ANKS1A: variants seen among roughly 807,000 people sequenced by gnomAD.
ANKS1A encodes the protein ankyrin repeat and SAM domain-containing protein 1A.
Under a neutral mutation model 120.3 loss-of-function variants are expected in ANKS1A, and 55 were observed. The ratio of observed to expected loss-of-function variants is 0.46; its 90% CI spans 0.37 to 0.57. ANKS1A has a LOEUF of 0.57. ANKS1A is among the 20% of genes least tolerant of loss of function. The probability of loss-of-function intolerance (pLI) is 0.00; values close to 1 mark genes in which losing one functional copy is unlikely to be tolerated. For missense variants in ANKS1A, 1,123 were observed against 1,480.3 expected (o/e 0.76, Z 3.96); for synonymous variants, 590 against 604.7 (o/e 0.98, Z 0.36).
intron 3 of ANKS1A, 56 bp downstream of exon 3, chr6:34,970,222 C>T (rs1296201736): frequency 3.2e-6 from 5 of 1,540,344 alleles, no homozygotes; most frequent in Non-Finnish European, 4.4e-6. Context: ...GATGTGGCAA[C>T]CCCATCACCA....
chr6:35,079,737 C>T, intron 15 of ANKS1A, 69 bp downstream of exon 15: 2 of 1,612,106 alleles, frequency 1.2e-6, no homozygotes, highest in East Asian at 4.5e-5. Context: ...GGCAGCCTGG[C>T]CCAGCGGAAG....
chr6:35,068,038 C>T (rs1377623978), intron 13 of ANKS1A, among the ~76,000 whole-genome samples: 2 of 151,928 alleles, frequency 1.3e-5, no homozygotes, highest in African/African-American at 2.4e-5. Context: ...GAATTACTGG[C>T]GGGCACTACC....
intron 11 of ANKS1A, among the ~76,000 whole-genome samples, chr6:35,041,100 T>C (rs1775434175): frequency 1.3e-5 from 2 of 152,250 alleles, no homozygotes; most frequent in African/African-American, 4.8e-5. Context: ...TATAAAGTTA[T>C]GAGAAATACT....
rs185231911 is a variant in ANKS1A at position 35,029,294 on chromosome 6, T to C, written c.2010+11235T>C. On this transcript the variant is annotated intron_variant, in intron 11 of 23. Transcript: ENST00000360359. Reference sequence around the variant, plus strand: ...TGGTATTTTTATGTTTTTTTTAACATGTGGAAATTTAGAATTTTTATGTAG... The same window carrying C: ...TGGTATTTTTATGTTTTTTTTAACACGTGGAAATTTAGAATTTTTATGTAG... Among the ~76,000 whole-genome samples, 220 of 152,028 alleles carry C rather than the reference T, an allele frequency of 1.4e-3. 2 individuals are homozygous for C. The highest frequency in any genetic ancestry group is 2.7e-3 in the Non-Finnish European group (182 of 68,002).
rs186841913 is a variant in ANKS1A at position 35,076,790 on chromosome 6, C to T, written c.2185-1768C>T. Among the ~76,000 whole-genome samples, 58 of 151,940 alleles carry T rather than the reference C, an allele frequency of 3.8e-4. 2 individuals carry two copies. Among genetic ancestry groups the T allele is most frequent in the Admixed American group, 2.9e-3 (44 of 15,266 alleles). Reference sequence around the variant, plus strand: ...GATTACAGGCGCCTGCCACCACGCCCGGCTAATTTTTTGTATTTTTAGTAG... The same window carrying T: ...GATTACAGGCGCCTGCCACCACGCCTGGCTAATTTTTTGTATTTTTAGTAG... On this transcript the variant is annotated intron_variant, in intron 13 of 23. Transcript: ENST00000360359.
chr6:34,907,022 G>T (rs1236102831), intron 1 of ANKS1A, among the ~76,000 whole-genome samples: 6 of 152,196 alleles, frequency 3.9e-5, no homozygotes. Flanking sequence ...TGATGAAAAG[G>T]ACACTTTGCC....
rs1777863229 is a variant in ANKS1A, at chr6:35,084,528, A to G, written c.3132+270A>G. Among the ~76,000 whole-genome samples, 1 of 142,610 alleles carries G rather than the reference A, an allele frequency of 7.0e-6. No homozygotes were observed. Among genetic ancestry groups the G allele is most frequent in the Non-Finnish European group, 1.5e-5 (1 of 66,362 alleles). 93.6% of individuals were successfully genotyped at this position (142,610 alleles called of 152,430 possible). A position where few individuals can be genotyped will look rare whatever the true frequency, so the allele number is the denominator to read the frequency against. On this transcript the variant is annotated intron_variant, in intron 21 of 23. Transcript: ENST00000360359. The surrounding 1 kb of genome is among the most constrained non-coding windows in gnomAD (Gnocchi z 4.8). The stretch of plus-strand genomic sequence containing the variant: ...TTTTTTTAAGAGATGGAGTCTCACT[A>G]TGTTGCCCAGGCTTGCCTTGCACTC...
Position 35,079,643 on chromosome 6 carries a change from A to G in ANKS1A, c.2411A>G (p.Asn804Ser). The G allele has an allele frequency of 6.2e-7, 1 of 1,613,988 alleles. No individual in the cohort carries two copies. Among genetic ancestry groups the G allele is most frequent in the Non-Finnish European group, 8.5e-7 (1 of 1,179,982 alleles). The change falls in exon 15 of 24, where the codon AAC becomes AGC. Residue 804 changes from asparagine to serine, a missense_variant. By Grantham distance (46) the Asn-to-Ser change is conservative. Transcript: ENST00000360359. ...SGYSSIDTVK[N>S]LWELELVNVL... ...TACAGCTCCATTGACACCGTGAAGA[A>G]CCTCTGGGAGCTAGAGCTCGTCAAT...
At chr6:34,971,670 A>G (rs1242903644) in intron 3 of ANKS1A, among the ~76,000 whole-genome samples, 1 of 152,210 alleles carries the variant, frequency 6.6e-6, no homozygotes, top group Non-Finnish European at 1.5e-5. Flanking sequence ...ATAGGAAATT[A>G]TCCTGGCAAG....
At chr6:34,920,283 A>G (rs949481141) in intron 1 of ANKS1A, among the ~76,000 whole-genome samples, 2 of 151,726 alleles carry the variant, frequency 1.3e-5, no homozygotes, top group African/African-American at 4.8e-5. Flanking sequence ...TGGCGCAATC[A>G]TAGCTCACTG....
At chr6:34,924,127 G>A (rs1768584620) in intron 1 of ANKS1A, among the ~76,000 whole-genome samples, 1 of 143,572 alleles carries the variant, frequency 7.0e-6, no homozygotes, top group Non-Finnish European at 1.5e-5. Context: ...GTGTGTGTGT[G>A]TATTTTTCTT....
intron 16 of ANKS1A, among the ~76,000 whole-genome samples, 174 bp from the exon 17 acceptor site, chr6:35,080,820 C>T (rs540351335): frequency 7.9e-5 from 12 of 152,118 alleles, no homozygotes; most frequent in Non-Finnish European, 1.5e-4. Context: ...CACTAGTGGA[C>T]GGTGGCTGCG....
At chr6:34,969,087 G>T (rs1027859519) in intron 2 of ANKS1A, among the ~76,000 whole-genome samples, 6 of 152,116 alleles carry the variant, frequency 3.9e-5, no homozygotes, top group Admixed American at 1.3e-4. Flanking sequence ...TCCAGATGCT[G>T]TTTTGATTTA....
chr6:35,043,630 G>A (rs1775576673), intron 11 of ANKS1A, among the ~76,000 whole-genome samples: 1 of 152,208 alleles, frequency 6.6e-6, no homozygotes, highest in Non-Finnish European at 1.5e-5. Flanking sequence ...GGCCACTTGG[G>A]ATGAGGGTTG....
At chr6:34,902,043 T>G (rs920023547) in intron 1 of ANKS1A, among the ~76,000 whole-genome samples, 3 of 152,218 alleles carry the variant, frequency 2.0e-5, no homozygotes, top group African/African-American at 7.2e-5. Flanking sequence ...TTGGCAGAGA[T>G]TCCACATTTG....
At chr6:35,083,540 C>G (rs769866309) in intron 20 of ANKS1A, 37 bp downstream of exon 20, 7 of 1,599,266 alleles carry the variant, frequency 4.4e-6, no homozygotes, top group Non-Finnish European at 6.0e-6. Flanking sequence ...GGGAGTGGGA[C>G]CCACATCCCC....
chr6:34,921,291 C>T (rs920092503), intron 1 of ANKS1A, among the ~76,000 whole-genome samples: 3 of 152,082 alleles, frequency 2.0e-5, no homozygotes, highest in Admixed American at 1.3e-4. Context: ...AACACATTTT[C>T]GTTTGTTTTT....
chr6:35,078,524 G>T, intron 13 of ANKS1A, 34 bp from the exon 14 acceptor site: 1 of 1,599,582 alleles, frequency 6.3e-7, no homozygotes. Flanking sequence ...CATCCATCCA[G>T]GAGGGGCCCT....
At position 35,089,286 on chromosome 6, in the gene ANKS1A, G is replaced by A. The variant is rs1426032395; in HGVS notation, c.*677G>A. ...TTTCCGGTCCATTTCTGGGGTTCCC[G>A]ATGGGAAGGTTCAGTGGCCAAATGA... On this transcript the variant is annotated 3_prime_UTR_variant, in exon 24 of 24. Transcript: ENST00000360359. The A allele has an allele frequency of 7.1e-6, 7 of 987,460 alleles. No individual in the cohort carries two copies. The highest frequency in any genetic ancestry group is 1.7e-5 in the African/African-American group (1 of 57,234). The allele number at this position is 987,460 out of a possible 1,614,324, so 61.2% of individuals were successfully genotyped here.
Sources: gnomAD v4.1 joint callset for allele counts (sites outside exome capture counted in the v4.1 genomes callset) on GRCh38, gnomAD v4.1.1 for gene constraint, Gnocchi (gnomAD v3.1) non-coding constraint, MANE v1.5 for transcripts, NCBI Gene and HGNC (gene_info 2026-07-23, HGNC 2026-07-21) for gene names.